Variants in KCNT2 observed in about 807,000 individuals in gnomAD.
KCNT2 encodes potassium sodium-activated channel subfamily T member 2, also known as potassium channel subfamily T member 2.
In KCNT2, 67 loss-of-function variants were observed where a neutral mutation model predicts 153.8. The ratio of observed to expected loss-of-function variants is 0.44; its 90% CI spans 0.36 to 0.53. The LOEUF is 0.53. Among genes scored for constraint, KCNT2 ranks in the 20% least tolerant of loss-of-function variants. The pLI is 0.00. For synonymous variants in KCNT2, 500 were observed against 458.8 expected (o/e 1.09, Z -1.15); for missense variants, 975 against 1,354.8 (o/e 0.72, Z 4.40).
intron 1 of KCNT2, among the ~76,000 whole-genome samples, chr1:196,580,206 G>C (rs890997991): frequency 7.2e-5 from 11 of 152,166 alleles, no homozygotes; most frequent in Non-Finnish European, 1.5e-5. Flanking sequence ...ATTATGAATG[G>C]AAGTCCCAGC....
At chr1:196,425,025 A>G (rs557720225) in intron 11 of KCNT2, among the ~76,000 whole-genome samples, 1 of 152,024 alleles carries the variant, frequency 6.6e-6, no homozygotes, top group African/African-American at 2.4e-5. Context: ...TAAATCTAGA[A>G]GAGTATGCAG....
chr1:196,412,290 T>C (rs1045596657), intron 12 of KCNT2, among the ~76,000 whole-genome samples: 4 of 151,732 alleles, frequency 2.6e-5, no homozygotes, highest in Non-Finnish European at 1.5e-5. Flanking sequence ...GTGTCACTTC[T>C]ACTAGTAGAT....
intron 22 of KCNT2, among the ~76,000 whole-genome samples, chr1:196,296,443 TC>T (rs1411679407): frequency 3.9e-5 from 6 of 151,994 alleles, no homozygotes; most frequent in Admixed American, 2.6e-4. Flanking sequence ...AATTTTAGAT[TC>T]CTAATATATT....
At chr1:196,320,934 G>A (rs888017101) in intron 19 of KCNT2, among the ~76,000 whole-genome samples, 5 of 147,558 alleles carry the variant, frequency 3.4e-5, no homozygotes, top group Admixed American at 6.8e-5. Flanking sequence ...CCTTGCTATC[G>A]TATTTAACAC....
chr1:196,445,978 A>G (rs923246644), intron 8 of KCNT2, among the ~76,000 whole-genome samples: 2 of 151,470 alleles, frequency 1.3e-5, no homozygotes, highest in African/African-American at 2.4e-5. Context: ...CAGTGTCAGA[A>G]GGTCAATGAC....
intron 5 of KCNT2, among the ~76,000 whole-genome samples, chr1:196,469,677 T>C (rs993070946): frequency 6.6e-6 from 1 of 152,088 alleles, no homozygotes; most frequent in Non-Finnish European, 1.5e-5. Flanking sequence ...GAAGGTAACA[T>C]TAGAACATTC....
intron 8 of KCNT2, among the ~76,000 whole-genome samples, chr1:196,447,357 G>A (rs1226462257): frequency 6.6e-6 from 1 of 151,592 alleles, no homozygotes; most frequent in Non-Finnish European, 1.5e-5. Context: ...AAAGGAGGCC[G>A]AAAGCTAAGT....
At chr1:196,251,012 A>G (rs757866058) in intron 26 of KCNT2, among the ~76,000 whole-genome samples, 3 of 152,158 alleles carry the variant, frequency 2.0e-5, no homozygotes, top group Non-Finnish European at 2.9e-5. Context: ...ACCCTTGTAC[A>G]CTGTTGGTGG....
intron 1 of KCNT2, among the ~76,000 whole-genome samples, chr1:196,555,581 A>G (rs1372937866): frequency 6.6e-6 from 1 of 151,388 alleles, no homozygotes; most frequent in African/African-American, 2.4e-5. Flanking sequence ...TACGACCCAA[A>G]GCAATCTACT....
chr1:196,249,445 A>C (rs1025683198), intron 26 of KCNT2, among the ~76,000 whole-genome samples: 1 of 152,156 alleles, frequency 6.6e-6, no homozygotes. Context: ...CTGATAAACA[A>C]ATTCAGTAAA....
chr1:196,407,504 G>T (rs1671925370), intron 12 of KCNT2, among the ~76,000 whole-genome samples: 1 of 151,316 alleles, frequency 6.6e-6, no homozygotes, highest in Non-Finnish European at 1.5e-5. Flanking sequence ...TGACTAAAGA[G>T]CTAAATAAAA....
intron 14 of KCNT2, among the ~76,000 whole-genome samples, chr1:196,349,418 C>T (rs1046447967): frequency 1.1e-4 from 16 of 152,112 alleles, no homozygotes; most frequent in Middle Eastern, 6.3e-3. Context: ...CCTGGGCTGT[C>T]GCTGCTCTGC....
At chr1:196,305,131 A>G in intron 22 of KCNT2, 103 bp downstream of exon 22, 1 of 701,596 alleles carries the variant, frequency 1.4e-6, no homozygotes, top group South Asian at 1.6e-5. Flanking sequence ...TCAAAACAGC[A>G]TTTTAGTTTT....
intron 26 of KCNT2, among the ~76,000 whole-genome samples, chr1:196,243,932 G>A (rs969789320): frequency 1.3e-5 from 2 of 151,888 alleles, no homozygotes; most frequent in Admixed American, 6.6e-5. Flanking sequence ...CTGCAAGAGA[G>A]GCTTCTCCCT....
chr1:196,378,367 G>C (rs1157102680), intron 13 of KCNT2, among the ~76,000 whole-genome samples: 1 of 152,084 alleles, frequency 6.6e-6, no homozygotes, highest in Non-Finnish European at 1.5e-5. Flanking sequence ...ATTATTAGGA[G>C]CCACATCTAG....
chr1:196,604,886 G>A (rs1012794593), intron 1 of KCNT2, among the ~76,000 whole-genome samples: 1 of 152,030 alleles, frequency 6.6e-6, no homozygotes, highest in Non-Finnish European at 1.5e-5. Context: ...ATGTGTATGT[G>A]TTTTTACCTA....
At chr1:196,369,586 T>C (rs1442950577) in intron 14 of KCNT2, among the ~76,000 whole-genome samples, 1 of 152,022 alleles carries the variant, frequency 6.6e-6, no homozygotes, top group Non-Finnish European at 1.5e-5. Flanking sequence ...TTTGGTTTTT[T>C]GTTCCTGCGA....
intron 8 of KCNT2, among the ~76,000 whole-genome samples, chr1:196,459,344 A>G (rs959691503): frequency 1.3e-5 from 2 of 151,792 alleles, no homozygotes; most frequent in Non-Finnish European, 2.9e-5. Flanking sequence ...TGGAAAATTA[A>G]CAGATTTTCA....
intron 1 of KCNT2, among the ~76,000 whole-genome samples, chr1:196,509,430 T>C (rs572559517): frequency 6.7e-4 from 102 of 152,286 alleles, no homozygotes; most frequent in African/African-American, 2.4e-3. Context: ...TGCAATAATA[T>C]GAATAAATCT....
Sources: allele counts gnomAD v4.1 joint callset (sites outside exome capture counted in the v4.1 genomes callset), GRCh38; gene constraint gnomAD v4.1.1; transcripts MANE v1.5; gene names NCBI Gene and HGNC (gene_info 2026-07-23, HGNC 2026-07-21).